ZNF469: variants seen among roughly 807,000 people sequenced by gnomAD.
The protein encoded by ZNF469 is zinc finger protein 469.
ZNF469 carries 1 observed loss-of-function variant against 1.0 expected under a neutral mutation model. The observed-to-expected ratio is 1.00, with a 90% confidence interval of 0.35 to 4.73. The LOEUF is 4.73. Among genes scored for constraint, ZNF469 ranks in the 30% most tolerant of loss-of-function variants. ZNF469 has a pLI of 0.16. For missense variants in ZNF469, 6,100 were observed against 5,356.3 expected, an observed-to-expected ratio of 1.14 and a Z score of -4.33; for synonymous variants, 2,703 against 2,363.4, an observed-to-expected ratio of 1.14 and a Z score of -4.17.
chr16:88,110,278 G>C, the ZNF469 span, among the ~76,000 whole-genome samples: 2 of 152,360 alleles, frequency 1.3e-5, no homozygotes, highest in East Asian at 3.9e-4. Context: ...GATTCAGGAG[G>C]CTGGGGCGGG....
chr16:88,392,781 C>A (rs190926604), intron 1 of ZNF469, among the ~76,000 whole-genome samples: 206 of 152,362 alleles, frequency 1.4e-3, no homozygotes, highest in African/African-American at 4.6e-3. Flanking sequence ...TGGAAGACTC[C>A]TATTCATCCT....
Position 88,432,117 on chromosome 16 carries a change from T to C in ZNF469, c.4647T>C (p.Cys1549=), listed in dbSNP as rs958514332. The C allele has an allele frequency of 6.4e-7, 1 of 1,550,446 alleles. No homozygotes were observed. Among genetic ancestry groups the C allele is most frequent in the Non-Finnish European group, 8.7e-7 (1 of 1,146,986 alleles). Residue 1549 remains cysteine, a synonymous_variant, in exon 3 of 3, where the codon TGT becomes TGC. Coordinates refer to ENST00000565624, the MANE Select transcript of ZNF469 (RefSeq NM_001367624.2). ...CTTTGCCTGGGAAGGGGAGTGGATG[T>C]AGCGTTGCTCTTATGAGTCACCTGT... is the stretch of plus-strand genomic sequence containing the variant. ...APSLPGKGSG[C]SVALMSHLSE...
the ZNF469 span, among the ~76,000 whole-genome samples, chr16:88,243,017 C>T: frequency 1.3e-5 from 2 of 152,332 alleles, no homozygotes; most frequent in African/African-American, 4.8e-5. Flanking sequence ...GGGATGTCTA[C>T]CCGCCTAGTG....
chr16:88,243,610 G>T, the ZNF469 span, among the ~76,000 whole-genome samples: 2 of 152,064 alleles, frequency 1.3e-5, no homozygotes, highest in East Asian at 3.9e-4. Flanking sequence ...TACGTTAGCA[G>T]GTGGTCCAGA....
At chr16:88,187,048 C>T in the ZNF469 span, among the ~76,000 whole-genome samples, 1 of 152,162 alleles carries the variant, frequency 6.6e-6, no homozygotes, top group East Asian at 1.9e-4. Flanking sequence ...TGGGAGGCCC[C>T]GGGGTATGAA....
At chr16:88,185,953 A>G in the ZNF469 span, among the ~76,000 whole-genome samples, 1 of 152,144 alleles carries the variant, frequency 6.6e-6, no homozygotes, top group Admixed American at 6.5e-5. Flanking sequence ...GTACATGCAC[A>G]CACACACGCA....
the ZNF469 span, among the ~76,000 whole-genome samples, chr16:88,301,913 T>G: frequency 6.6e-6 from 1 of 152,200 alleles, no homozygotes; most frequent in African/African-American, 2.4e-5. Context: ...TGTTACCCAA[T>G]TCCTAGTTCA....
chr16:88,396,387 C>G (rs534243406), intron 1 of ZNF469, among the ~76,000 whole-genome samples: 1 of 152,230 alleles, frequency 6.6e-6, no homozygotes, highest in Admixed American at 6.5e-5. Context: ...CAGGCAGAGA[C>G]CCATCTGAAG....
At chr16:88,160,791 A>G in the ZNF469 span, among the ~76,000 whole-genome samples, 1 of 152,122 alleles carries the variant, frequency 6.6e-6, no homozygotes, top group Non-Finnish European at 1.5e-5. Context: ...AGCCTGCGAG[A>G]TACACTGAGC....
At chr16:88,263,745 G>A in the ZNF469 span, among the ~76,000 whole-genome samples, 1 of 152,122 alleles carries the variant, frequency 6.6e-6, no homozygotes. Flanking sequence ...TGTGGGAAGG[G>A]CCCTGCAGAC....
At chr16:88,372,764 ATCT>A in the ZNF469 span, among the ~76,000 whole-genome samples, 1 of 150,496 alleles carries the variant, frequency 6.6e-6, no homozygotes, top group East Asian at 2.0e-4. Flanking sequence ...CATCTTTACC[ATCT>A]TCACCATCAT....
chr16:88,123,965 A>G, the ZNF469 span, among the ~76,000 whole-genome samples: 1 of 152,058 alleles, frequency 6.6e-6, no homozygotes, highest in Non-Finnish European at 1.5e-5. Flanking sequence ...CACCACGCCC[A>G]GCTAATTTTC....
chr16:88,384,829 C>A (rs1020269482), intron 1 of ZNF469, among the ~76,000 whole-genome samples: 4 of 152,078 alleles, frequency 2.6e-5, no homozygotes, highest in African/African-American at 7.2e-5. Context: ...CCCTCATCAG[C>A]GCTTCAGTCT....
chr16:88,391,940 G>A (rs1904502592), intron 1 of ZNF469, among the ~76,000 whole-genome samples: 1 of 152,206 alleles, frequency 6.6e-6, no homozygotes, highest in Non-Finnish European at 1.5e-5. Context: ...GTAATCTAAA[G>A]ATATGATGTA....
the ZNF469 span, among the ~76,000 whole-genome samples, chr16:88,337,812 G>A: frequency 3.9e-5 from 6 of 152,132 alleles, no homozygotes; most frequent in African/African-American, 1.4e-4. Flanking sequence ...TCAGATACAC[G>A]GCCTCTGCTT....
At chr16:88,427,099 C>G (rs1441640375) in intron 2 of ZNF469, among the ~76,000 whole-genome samples, 3 of 152,142 alleles carry the variant, frequency 2.0e-5, no homozygotes, top group Non-Finnish European at 4.4e-5. Flanking sequence ...CTGCGCTCCA[C>G]CGCCCCTCTT....
chr16:88,366,817 C>T, the ZNF469 span, among the ~76,000 whole-genome samples: 12 of 151,822 alleles, frequency 7.9e-5, no homozygotes, highest in Middle Eastern at 3.2e-3. Flanking sequence ...GTCATCACCA[C>T]CACCATCNCC....
At chr16:88,367,376 G>A in the ZNF469 span, among the ~76,000 whole-genome samples, 2 of 152,226 alleles carry the variant, frequency 1.3e-5, no homozygotes, top group Non-Finnish European at 2.9e-5. Flanking sequence ...CCCACAACTC[G>A]TGAGTGACGG....
At chr16:88,371,782 A>G in the ZNF469 span, among the ~76,000 whole-genome samples, 3 of 152,282 alleles carry the variant, frequency 2.0e-5, no homozygotes, top group Non-Finnish European at 4.4e-5. Context: ...TGGTGTTTTC[A>G]GTATACTATT....
Sources: allele counts gnomAD v4.1 joint callset (sites outside exome capture counted in the v4.1 genomes callset), GRCh38; gene constraint gnomAD v4.1.1; transcripts MANE v1.5; gene names NCBI Gene and HGNC (gene_info 2026-07-23, HGNC 2026-07-21).